The following JPH1 variants were observed in gnomAD, a reference collection of about 807,000 sequenced individuals.
JPH1 encodes junctophilin-1.
A neutral mutation model predicts 53.6 loss-of-function variants in JPH1; 12 were observed. That is an observed-to-expected ratio of 0.22 (90% CI 0.14 to 0.36). The LOEUF is 0.36. Among genes scored for constraint, JPH1 ranks in the 10% least tolerant of loss-of-function variants. The pLI, the probability that JPH1 is intolerant of heterozygous loss-of-function variation, is 1.00. For missense variants in JPH1, 808 were observed against 905.5 expected (o/e 0.89, Z 1.38); for synonymous variants, 375 against 363.8 (o/e 1.03, Z -0.35).
chr8:74,249,027 C>T (rs1382873999), intron 3 of JPH1, among the ~76,000 whole-genome samples: 6 of 152,186 alleles, frequency 3.9e-5, no homozygotes, highest in Admixed American at 1.3e-4. Context: ...CACCCGCTCA[C>T]GGACATGGCT....
chr8:74,261,511 G>T (rs2131395963), intron 2 of JPH1, among the ~76,000 whole-genome samples: 1 of 152,234 alleles, frequency 6.6e-6, no homozygotes, highest in East Asian at 1.9e-4. Flanking sequence ...GGGGTATCAA[G>T]AAATATGAAA....
At chr8:74,275,294 TG>T (rs1175451679) in intron 2 of JPH1, among the ~76,000 whole-genome samples, 5 of 152,092 alleles carry the variant, frequency 3.3e-5, no homozygotes, top group Admixed American at 2.0e-4. Flanking sequence ...AAAACAGAGA[TG>T]AAGAAAATGG....
At chr8:74,267,469 G>A (rs191352873) in intron 2 of JPH1, among the ~76,000 whole-genome samples, 1 of 152,324 alleles carries the variant, frequency 6.6e-6, no homozygotes, top group Non-Finnish European at 1.5e-5. Context: ...CTCTGGGGCA[G>A]CTGCATGTTT....
At chr8:74,269,024 C>T (rs1329119387) in intron 2 of JPH1, among the ~76,000 whole-genome samples, 1 of 152,060 alleles carries the variant, frequency 6.6e-6, no homozygotes, top group Non-Finnish European at 1.5e-5. Flanking sequence ...GTGACATGCA[C>T]CCTCTAGAAC....
At chr8:74,268,755 C>G (rs748610329) in intron 2 of JPH1, among the ~76,000 whole-genome samples, 7 of 152,050 alleles carry the variant, frequency 4.6e-5, no homozygotes, top group Non-Finnish European at 1.0e-4. Context: ...ACCAATGGTC[C>G]ACTATGGGTA....
At chr8:74,306,675 T>C (rs557952892) in intron 2 of JPH1, among the ~76,000 whole-genome samples, 2 of 152,100 alleles carry the variant, frequency 1.3e-5, no homozygotes, top group East Asian at 3.9e-4. Context: ...CTCTGCTCAC[T>C]GCAACCTCTG....
At chr8:74,272,912 A>C (rs1467195126) in intron 2 of JPH1, among the ~76,000 whole-genome samples, 4 of 152,044 alleles carry the variant, frequency 2.6e-5, no homozygotes, top group Non-Finnish European at 4.4e-5. Flanking sequence ...CCGGACCCTT[A>C]GTTCTGAGAT....
At chr8:74,298,085 C>A (rs1377128258) in intron 2 of JPH1, among the ~76,000 whole-genome samples, 3 of 152,200 alleles carry the variant, frequency 2.0e-5, no homozygotes, top group African/African-American at 7.2e-5. Flanking sequence ...AATGCCAGTG[C>A]CAATCTCCAA....
chr8:74,259,377 T>C lies in JPH1; in HGVS notation c.1258+8A>G, dbSNP rs1228585991. On this transcript the variant is annotated splice_region_variant and intron_variant, in intron 3 of 5. Transcript: ENST00000342232. ...CCTGCCTCACCCATCAAAGGAGCAC[T>C]GTTTTACCTGGTTGGTAGAAATCAG... is the stretch of plus-strand genomic sequence containing the variant. 3 of 1,607,438 alleles carry C rather than the reference T, an allele frequency of 1.9e-6. No individual in the cohort carries two copies. Among genetic ancestry groups the C allele is most frequent in the Middle Eastern group, 1.7e-4 (1 of 5,900 alleles).
intron 2 of JPH1, among the ~76,000 whole-genome samples, chr8:74,292,331 C>A (rs1421070158): frequency 6.6e-6 from 1 of 152,136 alleles, no homozygotes; most frequent in Non-Finnish European, 1.5e-5. Context: ...TCACTTGGAA[C>A]CCCCTGAATA....
chr8:74,285,419 A>G (rs1405062044), intron 2 of JPH1, among the ~76,000 whole-genome samples: 1 of 152,112 alleles, frequency 6.6e-6, no homozygotes, highest in Non-Finnish European at 1.5e-5. Context: ...ATGTAATGAT[A>G]TGGAATGAAA....
intron 2 of JPH1, among the ~76,000 whole-genome samples, chr8:74,260,704 C>CAA (rs1806371911): frequency 1.3e-5 from 2 of 152,076 alleles, no homozygotes; most frequent in Non-Finnish European, 2.9e-5. Context: ...GCTCCTGGGA[C>CAA]CAAAACACGG....
chr8:74,314,562 C>T (rs185934602), intron 2 of JPH1, among the ~76,000 whole-genome samples: 12 of 152,308 alleles, frequency 7.9e-5, no homozygotes, highest in Non-Finnish European at 1.2e-4. Flanking sequence ...TTTCCGGGCT[C>T]AGGAAGATGA....
intron 2 of JPH1, among the ~76,000 whole-genome samples, chr8:74,294,640 CATCT>C (rs369154023): frequency 2.4e-3 from 371 of 152,324 alleles, no homozygotes; most frequent in Middle Eastern, 0.014. Flanking sequence ...TTTACATATT[CATCT>C]GTCTCTTGGT....
chr8:74,310,358 C>T (rs963049812), intron 2 of JPH1, among the ~76,000 whole-genome samples: 1 of 151,172 alleles, frequency 6.6e-6, no homozygotes, highest in Admixed American at 6.6e-5. Flanking sequence ...AGGACCAAGA[C>T]AAAAGGGAAA....
chr8:74,296,224 G>A (rs975487950), intron 2 of JPH1, among the ~76,000 whole-genome samples: 4 of 152,224 alleles, frequency 2.6e-5, no homozygotes, highest in African/African-American at 9.6e-5. Context: ...ATAGAAAACA[G>A]AGTTATTTTT....
At position 74,295,824 on chromosome 8, in the gene JPH1, C is replaced by T. The variant is rs542125012; in HGVS notation, c.1139+19037G>A. On this transcript the variant is annotated intron_variant, in intron 2 of 5. Coordinates refer to ENST00000342232, the MANE Select transcript of JPH1 (RefSeq NM_020647.4). ...CTGAAACCTGTTCAAGGAGTGGGTA[C>T]AGTCCCCAGGTCATGAGTCAAGAAA... 2.0e-4 allele frequency among the ~76,000 whole-genome samples: 31 copies of T among 152,224 alleles called. No individual in the cohort carries two copies. In the South Asian group the frequency reaches 5.6e-3, roughly 28 times the overall value.
At position 74,321,001 on chromosome 8, in the gene JPH1, A is replaced by G. The variant is rs1808305108; in HGVS notation, c.287T>C (p.Val96Ala). ...WSHGFKGRYGVRQSLCTPARY... is the reference protein window; with the variant it reads ...WSHGFKGRYGARQSLCTPARY... Reference sequence around the variant, plus strand: ...AGCGGGGGTGCACAGGCTCTGCCGGACCCCGTAGCGCCCCTTGAAACCATG... The same window carrying G: ...AGCGGGGGTGCACAGGCTCTGCCGGGCCCCGTAGCGCCCCTTGAAACCATG... Residue 96 changes from valine (V) to alanine (A), a missense_variant, in exon 1 of 6, where the codon GTC becomes GCC. Coordinates refer to ENST00000342232, the MANE Select transcript of JPH1 (RefSeq NM_020647.4). The surrounding 1 kb of genome is among the most constrained non-coding windows in gnomAD (Gnocchi z 4.3). The G allele has an allele frequency of 5.0e-6, 8 of 1,612,564 alleles. No homozygotes were observed. The highest frequency in any genetic ancestry group is 6.8e-6 in the Non-Finnish European group (8 of 1,179,438).
At chr8:74,238,459 G>C (rs1407520671) in intron 4 of JPH1, among the ~76,000 whole-genome samples, 1 of 152,078 alleles carries the variant, frequency 6.6e-6, no homozygotes, top group Non-Finnish European at 1.5e-5. Flanking sequence ...TCTATCACAA[G>C]GCGTTTCACA....
Sources: allele counts gnomAD v4.1 joint callset (sites outside exome capture counted in the v4.1 genomes callset), GRCh38; gene constraint gnomAD v4.1.1; non-coding constraint Gnocchi (gnomAD v3.1); transcripts MANE v1.5; gene names NCBI Gene and HGNC (gene_info 2026-07-23, HGNC 2026-07-21).